The following WWP1 variants were observed in gnomAD, a reference collection of about 807,000 sequenced individuals.
WWP1 encodes the protein NEDD4-like E3 ubiquitin-protein ligase WWP1.
A neutral mutation model predicts 130.6 loss-of-function variants in WWP1; 49 were observed. That is an observed-to-expected ratio of 0.38 (90% CI 0.30 to 0.48). WWP1 has a LOEUF of 0.48. Among genes scored for constraint, WWP1 ranks in the 20% least tolerant of loss-of-function variants. WWP1 has a pLI of 0.99. For synonymous variants in WWP1, 332 were observed against 367.8 expected (o/e 0.90, Z 1.11); for missense variants, 809 against 1,100.6 (o/e 0.74, Z 3.75).
intron 8 of WWP1, among the ~76,000 whole-genome samples, chr8:86,402,545 G>A (rs1311817888): frequency 6.6e-6 from 1 of 152,152 alleles, no homozygotes; most frequent in East Asian, 1.9e-4. Flanking sequence ...GCCCACCTCA[G>A]CCTCCCTAAA....
intron 3 of WWP1, 51 bp downstream of exon 3, chr8:86,374,171 T>C (rs753153847): frequency 7.1e-7 from 1 of 1,416,728 alleles, no homozygotes. Flanking sequence ...ACTTTTCTTT[T>C]GAATACCTAA....
intron 5 of WWP1, among the ~76,000 whole-genome samples, chr8:86,384,723 AG>A (rs1470958967): frequency 6.6e-6 from 1 of 152,102 alleles, no homozygotes; most frequent in Non-Finnish European, 1.5e-5. Context: ...TAAACAGGCT[AG>A]GGGTGGTGGC....
At chr8:86,351,365 C>A (rs575546739) in intron 1 of WWP1, among the ~76,000 whole-genome samples, 1 of 152,050 alleles carries the variant, frequency 6.6e-6, no homozygotes, top group Non-Finnish European at 1.5e-5. Flanking sequence ...ACAGGGTCTC[C>A]GACAGCTCTG....
At chr8:86,407,667 G>A (rs988733883) in intron 8 of WWP1, among the ~76,000 whole-genome samples, 12 of 152,092 alleles carry the variant, frequency 7.9e-5, no homozygotes, top group African/African-American at 2.9e-4. Context: ...GAGCAGTATT[G>A]AAGAACCAAC....
chr8:86,397,763 C>T (rs1360734586), intron 5 of WWP1, among the ~76,000 whole-genome samples: 1 of 152,086 alleles, frequency 6.6e-6, no homozygotes, highest in East Asian at 1.9e-4. Flanking sequence ...AGTATTTGTC[C>T]TTATATAAAA....
At chr8:86,430,669 TTC>T (rs1170963643) in intron 11 of WWP1, 26 bp from the exon 12 acceptor site, 1 of 1,569,570 alleles carries the variant, frequency 6.4e-7, no homozygotes, top group Admixed American at 1.8e-5. Context: ...GTTATTTTAT[TTC>T]TCTCCCTAAT....
At chr8:86,465,367 T>C (rs1037509010) in intron 24 of WWP1, among the ~76,000 whole-genome samples, 5 of 151,944 alleles carry the variant, frequency 3.3e-5, no homozygotes, top group African/African-American at 1.2e-4. Context: ...ATGGTCCAGG[T>C]AAGAGATGAT....
intron 5 of WWP1, among the ~76,000 whole-genome samples, chr8:86,390,963 A>G (rs1380792299): frequency 1.3e-5 from 2 of 152,028 alleles, no homozygotes; most frequent in Non-Finnish European, 2.9e-5. Flanking sequence ...TATTTGGGGT[A>G]ATGGTGGGGG....
At chr8:86,377,523 A>G (rs763873164) in intron 3 of WWP1, among the ~76,000 whole-genome samples, 9 of 151,640 alleles carry the variant, frequency 5.9e-5, no homozygotes, top group South Asian at 4.2e-4. Flanking sequence ...TATTTTTAGC[A>G]TATTTACTCT....
rs1563561303 is a variant in WWP1 at position 86,466,944 on chromosome 8, GA to G, written c.*56del. Reference sequence around the variant, plus strand: ...TCTTGCATTTAAATACCCCAGCCAAGAAAAATTGCACAGATAGTGTATATAA... The same window carrying G: ...TCTTGCATTTAAATACCCCAGCCAAGAAAATTGCACAGATAGTGTATATAA... On this transcript the variant is annotated 3_prime_UTR_variant, in exon 25 of 25. Transcript: ENST00000517970. 2 of 1,378,768 alleles carry G rather than the reference GA, an allele frequency of 1.5e-6. No homozygotes were observed. Among genetic ancestry groups the G allele is most frequent in the East Asian group, 2.3e-5 (1 of 43,418 alleles). The allele number at this position is 1,378,768 out of a possible 1,614,324, so 85.4% of individuals were successfully genotyped here. A position where few individuals can be genotyped will look rare whatever the true frequency, so the allele number is the denominator to read the frequency against.
intron 1 of WWP1, among the ~76,000 whole-genome samples, chr8:86,356,974 C>T (rs1473815890): frequency 6.6e-6 from 1 of 152,082 alleles, no homozygotes; most frequent in Non-Finnish European, 1.5e-5. Flanking sequence ...TAGCTTTTTA[C>T]TGTAAATAGG....
intron 1 of WWP1, 29 bp downstream of exon 1, chr8:86,342,959 G>GGT: frequency 3.3e-6 from 1 of 305,588 alleles, no homozygotes; most frequent in Non-Finnish European, 6.0e-6. Context: ...GGGGCTGGGG[G>GGT]TGCGAATGGG....
chr8:86,370,855 CTTTTTTTTTTTTTTTTTTTT>C (rs555585296), intron 2 of WWP1, among the ~76,000 whole-genome samples: 1 of 44,862 alleles, frequency 2.2e-5, no homozygotes, highest in African/African-American at 1.0e-4. Context: ...TATATTCATT[CTTTTTTTTTTTTTTTTTTTT>C]TTTTTTTTGA....
chr8:86,419,322 G>A (rs183298483), intron 9 of WWP1, among the ~76,000 whole-genome samples: 411 of 152,330 alleles, frequency 2.7e-3, no homozygotes, highest in African/African-American at 9.1e-3. Flanking sequence ...GAAGGCTGAG[G>A]CAGAAGAATC....
intron 1 of WWP1, among the ~76,000 whole-genome samples, chr8:86,360,982 G>T (rs575838630): frequency 6.6e-6 from 1 of 152,320 alleles, no homozygotes; most frequent in African/African-American, 2.4e-5. Context: ...TTAGGTTGAG[G>T]AATGTCAGGA....
At chr8:86,453,889 C>A (rs942631650) in intron 21 of WWP1, among the ~76,000 whole-genome samples, 1 of 152,106 alleles carries the variant, frequency 6.6e-6, no homozygotes, top group Non-Finnish European at 1.5e-5. Flanking sequence ...CTTGGCATTT[C>A]CTCTCTGCCT....
At chr8:86,432,432 C>T (rs1198150898) in intron 14 of WWP1, among the ~76,000 whole-genome samples, 3 of 151,880 alleles carry the variant, frequency 2.0e-5, no homozygotes, top group Non-Finnish European at 4.4e-5. Context: ...CGATTCCTAC[C>T]CCCACTTTTC....
rs181294821 is a variant in WWP1 at position 86,347,309 on chromosome 8, T to C, written c.-115+4379T>C. Among the ~76,000 whole-genome samples, 22 of 152,336 alleles carry C rather than the reference T, an allele frequency of 1.4e-4. 1 individual carries two copies. The highest frequency in any genetic ancestry group is 3.6e-4 in the African/African-American group (15 of 41,582). On this transcript the variant is annotated intron_variant, in intron 1 of 24. Coordinates refer to ENST00000517970, the MANE Select transcript of WWP1 (RefSeq NM_007013.4). ...CCAATCATTGCTTTTTGGATGAATA[T>C]GCTGAGGCTAAAAAAAAAGTTTAAA...
intron 1 of WWP1, among the ~76,000 whole-genome samples, chr8:86,356,569 T>G (rs1314566913): frequency 1.3e-5 from 2 of 152,094 alleles, no homozygotes; most frequent in Non-Finnish European, 2.9e-5. Context: ...AGTACTGTAC[T>G]GATACCATTT....
Sources: allele counts gnomAD v4.1 joint callset (sites outside exome capture counted in the v4.1 genomes callset), GRCh38; gene constraint gnomAD v4.1.1; transcripts MANE v1.5; gene names NCBI Gene and HGNC (gene_info 2026-07-23, HGNC 2026-07-21).